Variants in NEURL4 observed in about 807,000 individuals in gnomAD.
The protein encoded by NEURL4 is neuralized E3 ubiquitin protein ligase 4.
A neutral mutation model predicts 148.0 loss-of-function variants in NEURL4; 45 were observed. The ratio of observed to expected loss-of-function variants is 0.30; its 90% CI spans 0.24 to 0.39. The LOEUF (loss-of-function observed/expected upper bound fraction) is 0.39, where lower values mean the gene tolerates loss of function less well. Ranked by LOEUF, NEURL4 falls within the 10% of genes least tolerant of loss-of-function variation. The pLI is 1.00. For missense variants in NEURL4, 1,776 were observed against 2,144.0 expected (o/e 0.83, Z 3.39); for synonymous variants, 854 against 869.0 (o/e 0.98, Z 0.30).
At position 7,326,381 on chromosome 17, in the gene NEURL4, T is replaced by C. The variant is rs778491256; in HGVS notation, c.1205-38A>G. ...GGACACTTGGGTTCGGGTACGGGGC[T>C]TCCTTCCCCTCAGCAACACCAGGCC... On this transcript the variant is annotated intron_variant, in intron 5 of 28. Transcript: ENST00000399464. This position sits in a 1 kb window ranked among gnomAD's most constrained non-coding sequence, Gnocchi z 6.0. The C allele has an allele frequency of 2.5e-6, 4 of 1,613,516 alleles. No homozygotes were observed. In the African/African-American group the frequency reaches 5.3e-5, roughly 22 times the overall value.
rs915096596 is a variant in NEURL4 at position 7,317,290 on chromosome 17, G to T, written c.4399C>A (p.Pro1467Thr). 2 of 1,529,020 alleles carry T rather than the reference G, an allele frequency of 1.3e-6. No individual in the cohort carries two copies. Among genetic ancestry groups the T allele is most frequent in the African/African-American group, 2.8e-5 (2 of 72,048 alleles). The allele number at this position is 1,529,020 out of a possible 1,614,324, so 94.7% of individuals were successfully genotyped here. A position where few individuals can be genotyped will look rare whatever the true frequency, so the allele number is the denominator to read the frequency against. Residue 1467 changes from proline to threonine, a missense_variant, in exon 28 of 29, where the codon CCT becomes ACT. By Grantham distance (38) the Pro-to-Thr change is conservative. Coordinates refer to ENST00000399464, the MANE Select transcript of NEURL4 (RefSeq NM_032442.3). ...GGAGGGGGCTGCTCCTCCCGAGGAG[G>T]TGCACAGTTCTCGCCAGGCTCCTCG... ...GFEEPGENCA[P>T]PREEQPPPVL...
In NEURL4 at chr17:7,322,261, T is replaced by A. The variant is rs2134509; in HGVS notation, c.2726-251A>T. 0.086 allele frequency among the ~76,000 whole-genome samples: 13,072 copies of A among 151,914 alleles called. 709 individuals carry two copies. The highest frequency in any genetic ancestry group is 0.17 in the East Asian group (890 of 5,162). On this transcript the variant is annotated intron_variant, in intron 16 of 28. Transcript: ENST00000399464. The surrounding 1 kb of genome is among the most constrained non-coding windows in gnomAD (Gnocchi z 5.5). ...CAGCCTCGACTTCCTGGGATCCAGC[T>A]ATCCTCCCACCTCAGCCTCTCAAGT... is the stretch of plus-strand genomic sequence containing the variant.
At chr17:7,320,431 G>A (rs1027072219) in intron 21 of NEURL4, among the ~76,000 whole-genome samples, 23 of 152,196 alleles carry the variant, frequency 1.5e-4, no homozygotes, top group East Asian at 3.9e-4. Flanking sequence ...CACCGCACCC[G>A]GGCTCAGCTG....
chr17:7,321,938 G>T lies in NEURL4; in HGVS notation c.2798C>A (p.Ala933Glu). 6.2e-7 allele frequency: 1 copy of T among 1,613,798 alleles called. No homozygotes were observed. Residue 933 changes from alanine to glutamate, a missense_variant, in exon 17 of 29, where the codon GCA becomes GAA. Coordinates refer to ENST00000399464, the MANE Select transcript of NEURL4 (RefSeq NM_032442.3). This position sits in a 1 kb window ranked among gnomAD's most constrained non-coding sequence, Gnocchi z 6.3. Reference protein sequence around the residue: ...NVTLEEDGTRAVRAAGYAHGL... With the variant: ...NVTLEEDGTREVRAAGYAHGL... The stretch of plus-strand genomic sequence containing the variant: ...ATGAGCATAGCCAGCGGCACGCACT[G>T]CCCTCGTGCCATCCTCCTCTAGAGT...
In NEURL4 at chr17:7,318,872, C is replaced by T. The variant is rs2072988192; in HGVS notation, c.3684+178G>A. ...CACATTCTCAATGGCAGGGACACCGCAGGAAGCAGCAGGCCTAAGACTGAC... is the reference window on the plus strand; with the variant it reads ...CACATTCTCAATGGCAGGGACACCGTAGGAAGCAGCAGGCCTAAGACTGAC... On this transcript the variant is annotated intron_variant, in intron 22 of 28. Coordinates refer to ENST00000399464, the MANE Select transcript of NEURL4 (RefSeq NM_032442.3). This position sits in a 1 kb window ranked among gnomAD's most constrained non-coding sequence, Gnocchi z 4.3. The T allele has an allele frequency of 1.1e-6, 1 of 889,574 alleles. No homozygotes were observed. The highest frequency in any genetic ancestry group is 2.9e-5 in the Admixed American group (1 of 34,160). 55.1% of individuals were successfully genotyped at this position (889,574 alleles called of 1,614,324 possible).
chr17:7,324,525 G>C lies in NEURL4; in HGVS notation c.1814-45C>G, dbSNP rs2073076132. 4 of 1,547,024 alleles carry C rather than the reference G, an allele frequency of 2.6e-6. No homozygotes were observed. The highest frequency in any genetic ancestry group is 2.7e-6 in the Non-Finnish European group (3 of 1,119,180). The stretch of plus-strand genomic sequence containing the variant: ...GAGGGGACATGAGGGGAAATGCAGG[G>C]CTCCTCTCCTTGCCACAGCAGCGCC... On this transcript the variant is annotated intron_variant, in intron 9 of 28. Coordinates refer to ENST00000399464, the MANE Select transcript of NEURL4 (RefSeq NM_032442.3). The surrounding 1 kb of genome is among the most constrained non-coding windows in gnomAD (Gnocchi z 5.9).
In NEURL4 at chr17:7,322,106, T is replaced by G. The variant is rs2062771; in HGVS notation, c.2726-96A>C. On this transcript the variant is annotated intron_variant, in intron 16 of 28. Transcript: ENST00000399464. The surrounding 1 kb of genome is among the most constrained non-coding windows in gnomAD (Gnocchi z 5.5). ...GCTTTCAGATGAAACGAAATGGGGA[T>G]GCCAACGCCCCATCTGCCATCTGCC... The G allele has an allele frequency of 7.1e-7, 1 of 1,405,090 alleles. No homozygotes were observed. Among genetic ancestry groups the G allele is most frequent in the East Asian group, 2.3e-5 (1 of 43,438 alleles). 87.0% of individuals were successfully genotyped at this position (1,405,090 alleles called of 1,614,324 possible). A position where few individuals can be genotyped will look rare whatever the true frequency, so the allele number is the denominator to read the frequency against.
chr17:7,316,873 C>T (rs1182052924), intron 28 of NEURL4, among the ~76,000 whole-genome samples: 1 of 151,956 alleles, frequency 6.6e-6, no homozygotes, highest in Non-Finnish European at 1.5e-5. Flanking sequence ...AGTGAGATCA[C>T]GCCACTGCAC....
Position 7,317,783 on chromosome 17 carries a change from T to C in NEURL4, c.4205+5A>G. On this transcript the variant is annotated splice_donor_5th_base_variant and intron_variant, in intron 26 of 28. Coordinates refer to ENST00000399464, the MANE Select transcript of NEURL4 (RefSeq NM_032442.3). ...GGGGAAAGGCATGACCTTGCCCATA[T>C]GTACCTGAGGTTGAACCTGCACCAG... is the stretch of plus-strand genomic sequence containing the variant. 2 of 1,612,982 alleles carry C rather than the reference T, an allele frequency of 1.2e-6. No homozygotes were observed. Among genetic ancestry groups the C allele is most frequent in the Non-Finnish European group, 1.7e-6 (2 of 1,179,768 alleles).
intron 6 of NEURL4, 28 bp from the exon 7 acceptor site, chr17:7,325,741 G>A (rs540460263): frequency 6.3e-7 from 1 of 1,587,402 alleles, no homozygotes; most frequent in East Asian, 2.2e-5. Flanking sequence ...ACAGTTTAGA[G>A]GAGTCCTGAG....
chr17:7,316,643 C>G lies in NEURL4; in HGVS notation c.4485-316G>C, dbSNP rs556847181. Among the ~76,000 whole-genome samples the G allele has an allele frequency of 8.5e-5, 13 of 152,326 alleles. No individual in the cohort carries two copies. In the East Asian group the frequency reaches 2.3e-3, roughly 27 times the overall value. On this transcript the variant is annotated intron_variant, in intron 28 of 28. Transcript: ENST00000399464. Reference sequence around the variant, plus strand: ...TTATTACCTTTAAAAATACTAAATACTGGCGGGGCGCGGTGGCTCACGCCT... The same window carrying G: ...TTATTACCTTTAAAAATACTAAATAGTGGCGGGGCGCGGTGGCTCACGCCT...
At chr17:7,319,882 T>C (rs921985157) in intron 21 of NEURL4, among the ~76,000 whole-genome samples, 4 of 151,798 alleles carry the variant, frequency 2.6e-5, no homozygotes, top group African/African-American at 9.7e-5. Context: ...CAGGCTGGAG[T>C]GCAGCGGTGC....
intron 1 of NEURL4, among the ~76,000 whole-genome samples, chr17:7,328,171 T>C (rs1363214971): frequency 6.6e-6 from 1 of 152,204 alleles, no homozygotes; most frequent in Non-Finnish European, 1.5e-5. Context: ...TCTATGGCTC[T>C]CCAACCATCC....
At position 7,325,366 on chromosome 17, in the gene NEURL4, G is replaced by A. The variant is rs146105515; in HGVS notation, c.1474C>T (p.Arg492Cys). 3.3e-5 allele frequency: 53 copies of A among 1,613,378 alleles called. No individual in the cohort carries two copies. The African/African-American group carries it at 4.0e-4, about 12-fold the overall frequency. The change falls in exon 8 of 29, where the codon CGC (arginine) becomes TGC (cysteine). Residue 492 changes from arginine (R) to cysteine (C), a missense_variant. Transcript: ENST00000399464. Reference sequence around the variant, plus strand: ...GCCCGCAGGATGGCGTTGTTTCGGCGGAGACGGTCACTGTGGTTGTTATTG... The same window carrying A: ...GCCCGCAGGATGGCGTTGTTTCGGCAGAGACGGTCACTGTGGTTGTTATTG... ...VHNNNHSDRL[R>C]RNNAILRALS...
At position 7,320,974 on chromosome 17, in the gene NEURL4, A is replaced by T. The variant is rs73977639; in HGVS notation, c.3361-51T>A. The T allele has an allele frequency of 1.1e-3, 1,806 of 1,605,884 alleles. 16 individuals carry two copies. The African/African-American group carries it at 0.022, about 19-fold the overall frequency. ...GCATGGGTTGCCAATGCCAGGACTG[A>T]CCCACCCCACTGGAGTTTGCACAGA... is the stretch of plus-strand genomic sequence containing the variant. On this transcript the variant is annotated intron_variant, in intron 20 of 28. Coordinates refer to ENST00000399464, the MANE Select transcript of NEURL4 (RefSeq NM_032442.3).
In NEURL4 at chr17:7,326,390, C is replaced by A; in HGVS notation, c.1204+47G>T. ...GGTTCGGGTACGGGGCTTCCTTCCC[C>A]TCAGCAACACCAGGCCTGCACCCCC... On this transcript the variant is annotated intron_variant, in intron 5 of 28. Coordinates refer to ENST00000399464, the MANE Select transcript of NEURL4 (RefSeq NM_032442.3). This position sits in a 1 kb window ranked among gnomAD's most constrained non-coding sequence, Gnocchi z 6.0. 6.2e-7 allele frequency: 1 copy of A among 1,613,636 alleles called. No homozygotes were observed.
In NEURL4 at chr17:7,324,471, A is replaced by G; in HGVS notation, c.1823T>C (p.Met608Thr). The G allele has an allele frequency of 6.2e-7, 1 of 1,614,062 alleles. No individual in the cohort carries two copies. The highest frequency in any genetic ancestry group is 8.5e-7 in the Non-Finnish European group (1 of 1,179,906). The change falls in exon 10 of 29, where the codon ATG (methionine) becomes ACG (threonine). Residue 608 changes from methionine to threonine, a missense_variant. Met to Thr is a moderately conservative substitution (Grantham distance 81, BLOSUM62 -1). Transcript: ENST00000399464. The surrounding 1 kb of genome is among the most constrained non-coding windows in gnomAD (Gnocchi z 5.9). ...GTGCATCACCCCATTCCCAGTCATCATCCAGGTCCCTGGGAGGACAAGGAG... is the reference window on the plus strand; with the variant it reads ...GTGCATCACCCCATTCCCAGTCATCGTCCAGGTCCCTGGGAGGACAAGGAG... ...TMTNLRSGTW[M>T]MTGNGVMHNG...
At position 7,316,161 on chromosome 17, in the gene NEURL4, C is replaced by A; in HGVS notation, c.4651G>T (p.Ala1551Ser). The A allele has an allele frequency of 6.3e-7, 1 of 1,588,412 alleles. No homozygotes were observed. Among genetic ancestry groups the A allele is most frequent in the East Asian group, 2.2e-5 (1 of 44,722 alleles). ...ELEWVTKEKG[A>S]TLLCALLVRV... ...ACCAGCAGGGCACAGAGGAGTGTGGCCCCCTTCTCCTTAGTGACCCACTCA... is the reference window on the plus strand; with the variant it reads ...ACCAGCAGGGCACAGAGGAGTGTGGACCCCTTCTCCTTAGTGACCCACTCA... The change falls in exon 29 of 29, where the codon GCC becomes TCC. Residue 1551 changes from alanine (A) to serine (S), a missense_variant. Coordinates refer to ENST00000399464, the MANE Select transcript of NEURL4 (RefSeq NM_032442.3).
In NEURL4 at chr17:7,327,365, AC is replaced by A; in HGVS notation, c.727+74del. Reference sequence around the variant, plus strand: ...TGGGGATCAGGGTGGCCCTGCCCACACCCAGCCTGTCTTGTCACTCTATTTC... The same window carrying A: ...TGGGGATCAGGGTGGCCCTGCCCACACCAGCCTGTCTTGTCACTCTATTTC... On this transcript the variant is annotated intron_variant, in intron 2 of 28. Transcript: ENST00000399464. This position sits in a 1 kb window ranked among gnomAD's most constrained non-coding sequence, Gnocchi z 6.6. 3.4e-6 allele frequency: 5 copies of A among 1,457,770 alleles called. No individual in the cohort carries two copies. The highest frequency in any genetic ancestry group is 4.6e-6 in the Non-Finnish European group (5 of 1,075,668). 90.3% of individuals were successfully genotyped at this position (1,457,770 alleles called of 1,614,324 possible).
Sources: gnomAD v4.1 joint callset for allele counts (sites outside exome capture counted in the v4.1 genomes callset) on GRCh38, gnomAD v4.1.1 for gene constraint, Gnocchi (gnomAD v3.1) non-coding constraint, MANE v1.5 for transcripts, NCBI Gene and HGNC (gene_info 2026-07-23, HGNC 2026-07-21) for gene names.